The following HSD17B4 variants were observed in gnomAD, a reference collection of about 807,000 sequenced individuals.
HSD17B4 encodes hydroxysteroid 17-beta dehydrogenase 4.
HSD17B4 carries 70 observed loss-of-function variants against 101.0 expected under a neutral mutation model. That is an observed-to-expected ratio of 0.69 (90% CI 0.57 to 0.85). HSD17B4 has a LOEUF of 0.85. Among genes scored for constraint, HSD17B4 ranks in the 40% least tolerant of loss-of-function variants. The probability of loss-of-function intolerance (pLI) is 0.00; values close to 1 mark genes in which losing one functional copy is unlikely to be tolerated. For missense variants in HSD17B4, 984 were observed against 892.4 expected, an observed-to-expected ratio of 1.10 and a Z score of -1.31; for synonymous variants, 347 against 297.1, an observed-to-expected ratio of 1.17 and a Z score of -1.73.
chr5:119,507,657 G>A (rs1237764236), intron 15 of HSD17B4, among the ~76,000 whole-genome samples: 5 of 151,678 alleles, frequency 3.3e-5, no homozygotes, highest in Admixed American at 6.6e-5. Flanking sequence ...GGTGGCGGGC[G>A]CCTGTAGTCC....
At chr5:119,485,790 G>C (rs908722517) in intron 8 of HSD17B4, among the ~76,000 whole-genome samples, 1 of 152,116 alleles carries the variant, frequency 6.6e-6, no homozygotes, top group Non-Finnish European at 1.5e-5. Flanking sequence ...CCTATAATGA[G>C]TATCCAGGAA....
At chr5:119,471,735 T>G in intron 2 of HSD17B4, 1 of 1,145,288 alleles carries the variant, frequency 8.7e-7, no homozygotes, top group East Asian at 2.6e-5. Flanking sequence ...CCAAGTTATT[T>G]GGCATTTATC....
In HSD17B4 at chr5:119,493,926, G is replaced by A; in HGVS notation, c.848G>A (p.Ser283Asn). Reference protein sequence around the residue: ...WKKICDFENASKPQSIQESTG... With the variant: ...WKKICDFENANKPQSIQESTG... ...AAGATCTGTGACTTTGAGAATGCCAGCAAGCCTCAGAGTATCCAAGGTAAA... is the reference window on the plus strand; with the variant it reads ...AAGATCTGTGACTTTGAGAATGCCAACAAGCCTCAGAGTATCCAAGGTAAA... The change falls in exon 11 of 24, where the codon AGC (serine) becomes AAC (asparagine). Residue 283 changes from serine to asparagine, a missense_variant. By Grantham distance (46) the Ser-to-Asn change is conservative. Coordinates refer to ENST00000510025, the MANE Select transcript of HSD17B4 (RefSeq NM_000414.4). 1 of 1,613,286 alleles carries A rather than the reference G, an allele frequency of 6.2e-7. No homozygotes were observed. Among genetic ancestry groups the A allele is most frequent in the Non-Finnish European group, 8.5e-7 (1 of 1,179,458 alleles).
At position 119,496,586 on chromosome 5, in the gene HSD17B4, A is replaced by C; in HGVS notation, c.912A>C (p.Ser304=). 1 of 1,604,700 alleles carries C rather than the reference A, an allele frequency of 6.2e-7. No individual in the cohort carries two copies. The highest frequency in any genetic ancestry group is 8.5e-7 in the Non-Finnish European group (1 of 1,171,536). Residue 304 remains serine (S), a synonymous_variant, in exon 12 of 24, where the codon TCA becomes TCC. Transcript: ENST00000510025. ...TTGAAGTTCTGAGTAAAATAGATTC[A>C]GAAGGAGGAGTTTCAGCAAATCATA... ...SIIEVLSKID[S]EGGVSANHTS... is the part of the protein sequence containing the mutation.
intron 2 of HSD17B4, among the ~76,000 whole-genome samples, chr5:119,470,250 G>C (rs1476078130): frequency 6.6e-6 from 1 of 151,886 alleles, no homozygotes; most frequent in Non-Finnish European, 1.5e-5. Context: ...GGTCATAGTG[G>C]TACCACTGAA....
chr5:119,502,197 C>A, intron 14 of HSD17B4, 105 bp downstream of exon 14: 1 of 778,162 alleles, frequency 1.3e-6, no homozygotes, highest in South Asian at 1.5e-5. Flanking sequence ...CCTAATGAAA[C>A]ATATCACAAA....
chr5:119,497,824 C>T (rs1183222512), intron 12 of HSD17B4, among the ~76,000 whole-genome samples: 1 of 152,090 alleles, frequency 6.6e-6, no homozygotes, highest in Non-Finnish European at 1.5e-5. Context: ...TTTTCTTTTT[C>T]AGTACCATTA....
chr5:119,514,286 A>T (rs1752422376), intron 16 of HSD17B4, among the ~76,000 whole-genome samples: 2 of 152,294 alleles, frequency 1.3e-5, no homozygotes, highest in South Asian at 4.1e-4. Flanking sequence ...AGTAATGAAA[A>T]ATCACTAATT....
chr5:119,514,720 A>G (rs1239137168), intron 16 of HSD17B4, among the ~76,000 whole-genome samples: 1 of 152,144 alleles, frequency 6.6e-6, no homozygotes, highest in Non-Finnish European at 1.5e-5. Flanking sequence ...CTTTTTCTCC[A>G]TTGTGGCCTG....
intron 18 of HSD17B4, 75 bp downstream of exon 18, chr5:119,525,360 C>G: frequency 1.1e-6 from 1 of 871,886 alleles, no homozygotes; most frequent in Non-Finnish European, 2.0e-6. Flanking sequence ...AAAGACACTA[C>G]TACTTATGAC....
At chr5:119,512,255 G>A (rs1195836819) in intron 16 of HSD17B4, among the ~76,000 whole-genome samples, 1 of 152,078 alleles carries the variant, frequency 6.6e-6, no homozygotes, top group Non-Finnish European at 1.5e-5. Flanking sequence ...TTCATATAAT[G>A]GGTGTATCAG....
chr5:119,503,076 TTGTGTGTGTGTGTGTG>T (rs759039800), intron 14 of HSD17B4, among the ~76,000 whole-genome samples: 2 of 140,534 alleles, frequency 1.4e-5, no homozygotes, highest in Non-Finnish European at 1.5e-5. Context: ...ACCTTGGAAA[TTGTGTGTGTGTGTGTG>T]TGTGTGTGTG....
intron 2 of HSD17B4, among the ~76,000 whole-genome samples, chr5:119,457,396 A>G (rs1754780924): frequency 6.6e-6 from 1 of 152,266 alleles, no homozygotes; most frequent in Non-Finnish European, 1.5e-5. Context: ...TTTTCTAAAC[A>G]AGCCCTAAGC....
chr5:119,462,248 ATTTTTTTTTTTTTTTT>A (rs10524491), intron 2 of HSD17B4, among the ~76,000 whole-genome samples: 46 of 30,046 alleles, frequency 1.5e-3, no homozygotes, highest in Admixed American at 8.3e-3. Context: ...AACAAATGTG[ATTTTTTTTTTTTTTTT>A]TTTTTTTTTT....
At chr5:119,479,841 G>A (rs754814952) in intron 8 of HSD17B4, among the ~76,000 whole-genome samples, 6 of 152,022 alleles carry the variant, frequency 3.9e-5, no homozygotes, top group Non-Finnish European at 5.9e-5. Flanking sequence ...TTTTTAAGTC[G>A]TGTAAATACC....
At chr5:119,499,214 A>C in intron 12 of HSD17B4, 103 bp from the exon 13 acceptor site, 1 of 747,394 alleles carries the variant, frequency 1.3e-6, no homozygotes, top group East Asian at 2.6e-5. Flanking sequence ...AAATTCACTA[A>C]CATTCTAGTC....
chr5:119,533,191 C>T (rs140870533), intron 22 of HSD17B4, among the ~76,000 whole-genome samples: 9 of 151,848 alleles, frequency 5.9e-5, no homozygotes, highest in African/African-American at 2.2e-4. Flanking sequence ...TCTCTGCTTT[C>T]AGAGAATGGG....
intron 11 of HSD17B4, among the ~76,000 whole-genome samples, chr5:119,495,252 T>G (rs1051523657): frequency 6.6e-6 from 1 of 152,200 alleles, no homozygotes; most frequent in Non-Finnish European, 1.5e-5. Flanking sequence ...GGAAAAACTT[T>G]CCTCTGATAT....
chr5:119,488,990 T>C (rs1484063662), intron 8 of HSD17B4, among the ~76,000 whole-genome samples: 1 of 152,162 alleles, frequency 6.6e-6, no homozygotes, highest in East Asian at 1.9e-4. Context: ...ATACTTACAA[T>C]TTTAGAAGCT....
Sources: gnomAD v4.1 joint callset for allele counts (sites outside exome capture counted in the v4.1 genomes callset) on GRCh38, gnomAD v4.1.1 for gene constraint, MANE v1.5 for transcripts, NCBI Gene and HGNC (gene_info 2026-07-23, HGNC 2026-07-21) for gene names.